CDH20: variants seen among roughly 807,000 people sequenced by gnomAD.
CDH20 encodes the protein cadherin-20.
A neutral mutation model predicts 74.2 loss-of-function variants in CDH20; 29 were observed. That is an observed-to-expected ratio of 0.39 (90% CI 0.29 to 0.53). The LOEUF is 0.53. Ranked by LOEUF, CDH20 falls within the 20% of genes least tolerant of loss-of-function variation. CDH20 has a pLI of 0.69. For synonymous variants in CDH20, 469 were observed against 405.4 expected, an observed-to-expected ratio of 1.16 and a Z score of -1.88; for missense variants, 988 against 1,048.3, an observed-to-expected ratio of 0.94 and a Z score of 0.79.
chr18:61,474,903 A>C (rs1485445752), intron 1 of CDH20, among the ~76,000 whole-genome samples: 1 of 152,158 alleles, frequency 6.6e-6, no homozygotes, highest in South Asian at 2.1e-4. Context: ...AAAAACATGA[A>C]GAAGGTATTA....
intron 7 of CDH20, among the ~76,000 whole-genome samples, chr18:61,528,946 G>C (rs957629627): frequency 3.9e-5 from 6 of 152,208 alleles, no homozygotes; most frequent in African/African-American, 1.4e-4. Flanking sequence ...TGGCCAGACA[G>C]ATGGGTCTTT....
At chr18:61,443,551 T>C (rs28562696) in intron 1 of CDH20, among the ~76,000 whole-genome samples, 1 of 151,924 alleles carries the variant, frequency 6.6e-6, no homozygotes, top group Non-Finnish European at 1.5e-5. Flanking sequence ...CTACTCAGAG[T>C]GTGGCCCTCG....
At chr18:61,472,291 C>G (rs372975444) in intron 1 of CDH20, among the ~76,000 whole-genome samples, 1 of 151,874 alleles carries the variant, frequency 6.6e-6, no homozygotes, top group East Asian at 1.9e-4. Flanking sequence ...GGTCTTACTT[C>G]CCCCCGAGAG....
intron 1 of CDH20, among the ~76,000 whole-genome samples, chr18:61,480,495 G>A (rs564038165): frequency 5.3e-5 from 8 of 152,296 alleles, no homozygotes; most frequent in Middle Eastern, 3.4e-3. Context: ...GGGACAACTC[G>A]AAGCAGGGAC....
intron 6 of CDH20, among the ~76,000 whole-genome samples, chr18:61,521,214 T>G (rs964311074): frequency 2.7e-5 from 4 of 150,866 alleles, no homozygotes; most frequent in African/African-American, 9.9e-5. Context: ...AAGAATCAAA[T>G]AGACACAATA....
chr18:61,502,818 C>G, intron 4 of CDH20, 135 bp from the exon 5 acceptor site: 1 of 627,600 alleles, frequency 1.6e-6, no homozygotes, highest in South Asian at 3.2e-5. Flanking sequence ...TTTTTTACCT[C>G]AAATTTAAAA....
At chr18:61,405,263 G>A in intron 1 of CDH20, 1 of 362,436 alleles carries the variant, frequency 2.8e-6, no homozygotes, top group Non-Finnish European at 5.2e-6. Flanking sequence ...AGATGGCCCG[G>A]GAGCGAGAAA....
intron 1 of CDH20, among the ~76,000 whole-genome samples, chr18:61,482,270 C>T (rs896717958): frequency 3.3e-5 from 5 of 152,274 alleles, no homozygotes; most frequent in East Asian, 1.9e-4. Flanking sequence ...TTTATTCCTG[C>T]GTATAAAACC....
At chr18:61,371,329 C>T (rs964259542) in intron 1 of CDH20, among the ~76,000 whole-genome samples, 3 of 151,974 alleles carry the variant, frequency 2.0e-5, no homozygotes, top group Non-Finnish European at 4.4e-5. Context: ...AAAAAATTAA[C>T]TGGTGATGAT....
Position 61,555,701 on chromosome 18 carries a change from A to T in CDH20, c.*1006A>T. On this transcript the variant is annotated 3_prime_UTR_variant, in exon 12 of 12. Coordinates refer to ENST00000262717, the MANE Select transcript of CDH20 (RefSeq NM_031891.4). The stretch of plus-strand genomic sequence containing the variant: ...ATGTACAAGTTTTGTATATTTGTTA[A>T]TAATTTTGGTAATAAATATGATGTA... 7 of 961,338 alleles carry T rather than the reference A, an allele frequency of 7.3e-6. No homozygotes were observed. The highest frequency in any genetic ancestry group is 8.7e-6 in the Non-Finnish European group (7 of 807,906). The allele number at this position is 961,338 out of a possible 1,614,324, so 59.6% of individuals were successfully genotyped here.
At chr18:61,347,323 C>T (rs12605228) in intron 1 of CDH20, among the ~76,000 whole-genome samples, 26,066 of 66,618 alleles carry the variant, frequency 0.39, 3,281 homozygotes, top group Middle Eastern at 0.44. Flanking sequence ...TATATATACA[C>T]ACACACACAC....
At chr18:61,525,964 ATTTTTTTTTT>A (rs1006282537) in intron 6 of CDH20, among the ~76,000 whole-genome samples, 1 of 84,366 alleles carries the variant, frequency 1.2e-5, no homozygotes, top group Non-Finnish European at 2.2e-5. Flanking sequence ...CACCCAGCTA[ATTTTTTTTTT>A]TTTTTTTTTT....
At chr18:61,378,936 A>T (rs1445124086) in intron 1 of CDH20, among the ~76,000 whole-genome samples, 1 of 152,140 alleles carries the variant, frequency 6.6e-6, no homozygotes, top group Non-Finnish European at 1.5e-5. Context: ...CAAGTGATTT[A>T]AGAAAATATT....
At chr18:61,531,550 C>T (rs1056221071) in intron 7 of CDH20, among the ~76,000 whole-genome samples, 1 of 152,262 alleles carries the variant, frequency 6.6e-6, no homozygotes, top group East Asian at 1.9e-4. Flanking sequence ...ACAATTTATG[C>T]TTAAAAAGTA....
At chr18:61,531,829 T>C (rs542785) in intron 7 of CDH20, among the ~76,000 whole-genome samples, 150,480 of 152,276 alleles carry the variant, frequency 0.99, 74,386 homozygotes, top group Middle Eastern at 1. Context: ...CCTTGGCACT[T>C]ATTCTCTCTC....
intron 8 of CDH20, among the ~76,000 whole-genome samples, chr18:61,538,596 G>GTTGTTT (rs1912899197): frequency 4.1e-5 from 1 of 24,518 alleles, no homozygotes; most frequent in African/African-American, 9.8e-5. Flanking sequence ...TTGTTTGTTT[G>GTTGTTT]TTTTTGTTTT....
chr18:61,512,220 C>T (rs532814307), intron 6 of CDH20, among the ~76,000 whole-genome samples: 4 of 152,234 alleles, frequency 2.6e-5, no homozygotes, highest in Admixed American at 6.5e-5. Context: ...ATCAATCAGT[C>T]GATTTTCAGT....
chr18:61,473,965 T>G (rs1189300474), intron 1 of CDH20, among the ~76,000 whole-genome samples: 1 of 152,228 alleles, frequency 6.6e-6, no homozygotes, highest in African/African-American at 2.4e-5. Context: ...ACATTTCTCC[T>G]AGGCAAAAAT....
intron 1 of CDH20, among the ~76,000 whole-genome samples, chr18:61,456,888 A>G (rs553555056): frequency 2.6e-5 from 4 of 152,296 alleles, no homozygotes; most frequent in South Asian, 4.1e-4. Context: ...TGGTTGAGAC[A>G]GAAATCATCT....
Sources: gnomAD v4.1 joint callset for allele counts (sites outside exome capture counted in the v4.1 genomes callset) on GRCh38, gnomAD v4.1.1 for gene constraint, MANE v1.5 for transcripts, NCBI Gene and HGNC (gene_info 2026-07-23, HGNC 2026-07-21) for gene names.